Variants in NPEPL1 observed in about 807,000 individuals in gnomAD.
NPEPL1 encodes the protein aminopeptidase like 1, also known as probable aminopeptidase NPEPL1.
Under a neutral mutation model 52.4 loss-of-function variants are expected in NPEPL1, and 45 were observed. The observed-to-expected ratio is 0.86, with a 90% CI of 0.68 to 1.10. The LOEUF (loss-of-function observed/expected upper bound fraction) is 1.10. Ranked by LOEUF, NPEPL1 falls within the 50% of genes least tolerant of loss-of-function variation. The pLI is 0.00. For missense variants in NPEPL1, 696 were observed against 710.9 expected (o/e 0.98, Z 0.24); for synonymous variants, 360 against 314.7 (o/e 1.14, Z -1.52).
intron 5 of NPEPL1, among the ~76,000 whole-genome samples, chr20:58,700,615 G>A (rs144889285): frequency 1.1e-3 from 174 of 152,338 alleles, no homozygotes; most frequent in African/African-American, 4.0e-3. Flanking sequence ...CTGTGGGAGC[G>A]AGTGTGAAAG....
At chr20:58,694,011 G>T in intron 2 of NPEPL1, 89 bp downstream of exon 2, 1 of 1,271,694 alleles carries the variant, frequency 7.9e-7, no homozygotes. Flanking sequence ...TGCTCAGACT[G>T]CAGCGCACGC....
chr20:58,691,116 T>C, upstream of NPEPL1: 1 of 703,282 alleles, frequency 1.4e-6, no homozygotes, highest in Non-Finnish European at 2.6e-6. Context: ...ATGGCCTTAG[T>C]CTCTCACCCT....
At position 58,713,051 on chromosome 20, in the gene NPEPL1, C is replaced by T. The variant is rs796720464; in HGVS notation, c.1002-369C>T. On this transcript the variant is annotated intron_variant, in intron 8 of 11. Coordinates refer to ENST00000356091, the MANE Select transcript of NPEPL1 (RefSeq NM_024663.4). This position sits in a 1 kb window ranked among gnomAD's most constrained non-coding sequence, Gnocchi z 4.6. ...CCCCATGAGCTGGTGCCTGAGTGGG[C>T]GCCTCCCCGCATCTCCTGCTCTTCC... 26 of 343,314 alleles carry T rather than the reference C, an allele frequency of 7.6e-5. No homozygotes were observed. The highest frequency in any genetic ancestry group is 3.6e-4 in the African/African-American group (17 of 47,864). 21.3% of individuals were successfully genotyped at this position (343,314 alleles called of 1,614,324 possible).
intron 6 of NPEPL1, 40 bp from the exon 7 acceptor site, chr20:58,707,083 A>G: frequency 6.5e-7 from 1 of 1,542,502 alleles, no homozygotes; most frequent in Non-Finnish European, 8.8e-7. Flanking sequence ...CCTGGACCTC[A>G]CAGCTCACCT....
In NPEPL1 at chr20:58,714,684, C is replaced by T; in HGVS notation, c.1413+14C>T. The T allele has an allele frequency of 1.3e-6, 2 of 1,564,734 alleles. No individual in the cohort carries two copies. Among genetic ancestry groups the T allele is most frequent in the Non-Finnish European group, 1.7e-6 (2 of 1,154,584 alleles). ...CCGGTGCATGCTGTGAGTGTCTCCC[C>T]TCCCCACTGGCCCTGGCTGCTCCCG... On this transcript the variant is annotated intron_variant, in intron 11 of 11. Coordinates refer to ENST00000356091, the MANE Select transcript of NPEPL1 (RefSeq NM_024663.4).
chr20:58,708,232 AG>A (rs1257808284), intron 7 of NPEPL1, among the ~76,000 whole-genome samples: 7 of 152,222 alleles, frequency 4.6e-5, no homozygotes, highest in Non-Finnish European at 1.0e-4. Flanking sequence ...TCCAATCTGG[AG>A]GGTCCTGCTC....
chr20:58,692,677 G>GGCCTGCCCGC (rs2084375562), upstream of NPEPL1: 1 of 358,346 alleles, frequency 2.8e-6, no homozygotes, highest in African/African-American at 2.2e-5. The surrounding 1 kb of genome is among the most constrained non-coding windows in gnomAD (Gnocchi z 5.7). Context: ...GGCCTGCCCG[G>GGCCTGCCCGC]CCGGGCCTGC....
At chr20:58,690,357 A>C (rs1183632407), upstream of NPEPL1, among the ~76,000 whole-genome samples, 2 of 152,252 alleles carry the variant, frequency 1.3e-5, no homozygotes, top group Middle Eastern at 3.2e-3. Context: ...GGAAAATTAA[A>C]TAGAGTTGAA....
chr20:58,691,932 T>C (rs1025013784), upstream of NPEPL1: 4 of 779,628 alleles, frequency 5.1e-6, no homozygotes, highest in Admixed American at 8.2e-5. Flanking sequence ...ACCCTCCGCC[T>C]CCACCATCCA....
chr20:58,701,244 G>A, intron 6 of NPEPL1, 86 bp downstream of exon 6: 1 of 297,944 alleles, frequency 3.4e-6, no homozygotes, highest in Non-Finnish European at 5.3e-6. Context: ...GGTGCCCTGG[G>A]GGTGGGGTGG....
In NPEPL1 at chr20:58,693,828, G is replaced by A. The variant is rs1203704672; in HGVS notation, c.242G>A (p.Cys81Tyr). The A allele has an allele frequency of 6.8e-6, 11 of 1,613,676 alleles. No homozygotes were observed. Among genetic ancestry groups the A allele is most frequent in the East Asian group, 2.2e-5 (1 of 44,866 alleles). The change falls in exon 2 of 12, where the codon TGC (cysteine) becomes TAC (tyrosine). Residue 81 changes from cysteine (C) to tyrosine (Y), a missense_variant. By Grantham distance (194) the Cys-to-Tyr change is radical. Coordinates refer to ENST00000356091, the MANE Select transcript of NPEPL1 (RefSeq NM_024663.4). ...TACGCCACCGTGGCTGCCCTGCCCTGCAGGGTGAGCCGGCACAACAGCCCC... is the reference window on the plus strand; with the variant it reads ...TACGCCACCGTGGCTGCCCTGCCCTACAGGGTGAGCCGGCACAACAGCCCC... ...LNYATVAALP[C>Y]RVSRHNSPSA... is the part of the protein sequence containing the mutation.
chr20:58,708,511 G>A (rs559692933), intron 7 of NPEPL1, among the ~76,000 whole-genome samples: 116 of 151,980 alleles, frequency 7.6e-4, no homozygotes, highest in African/African-American at 2.8e-3. Flanking sequence ...TACGCAGCCT[G>A]CAAGCCCCAT....
chr20:58,713,377 C>T lies in NPEPL1; in HGVS notation c.1002-43C>T. The stretch of plus-strand genomic sequence containing the variant: ...TTCAAAGGGGCTCATGCCAGTGTCC[C>T]AGGAAATCCCGTCCCTGAGCGGGGA... On this transcript the variant is annotated intron_variant, in intron 8 of 11. Transcript: ENST00000356091. The surrounding 1 kb of genome is among the most constrained non-coding windows in gnomAD (Gnocchi z 4.6). The T allele has an allele frequency of 6.5e-7, 1 of 1,546,274 alleles. No homozygotes were observed. The highest frequency in any genetic ancestry group is 8.8e-7 in the Non-Finnish European group (1 of 1,139,978).
chr20:58,706,650 T>C (rs2084737122), intron 6 of NPEPL1, among the ~76,000 whole-genome samples: 1 of 151,874 alleles, frequency 6.6e-6, no homozygotes, highest in Non-Finnish European at 1.5e-5. Context: ...AGAGGCTCCC[T>C]GGACCTCAGC....
At chr20:58,691,866 G>A (rs2084355353), upstream of NPEPL1, 3 of 1,301,324 alleles carry the variant, frequency 2.3e-6, no homozygotes, top group African/African-American at 4.4e-5. Context: ...CTCCTGGGTG[G>A]AGCTTCCCCA....
chr20:58,703,684 T>C (rs1419666955), intron 6 of NPEPL1: 1 of 984,772 alleles, frequency 1.0e-6, no homozygotes, highest in African/African-American at 1.8e-5. Flanking sequence ...CTTCATCTCA[T>C]GTGGCTGTGG....
At chr20:58,702,520 A>C (rs1457965746) in intron 6 of NPEPL1, among the ~76,000 whole-genome samples, 2 of 152,214 alleles carry the variant, frequency 1.3e-5, no homozygotes, top group African/African-American at 2.4e-5. Flanking sequence ...GACACTAATC[A>C]TAAAAAGGGT....
At chr20:58,691,602 G>C (rs1601084992), upstream of NPEPL1, 7 of 632,958 alleles carry the variant, frequency 1.1e-5, no homozygotes, top group East Asian at 1.9e-4. Flanking sequence ...TACAAGTTAG[G>C]GAGCTAGGGG....
chr20:58,700,440 A>T (rs903548351), intron 5 of NPEPL1, among the ~76,000 whole-genome samples: 3 of 152,162 alleles, frequency 2.0e-5, no homozygotes, highest in African/African-American at 7.2e-5. Flanking sequence ...ATCTTACAGG[A>T]TGAGTTGGAG....
Sources: allele counts gnomAD v4.1 joint callset (sites outside exome capture counted in the v4.1 genomes callset), GRCh38; gene constraint gnomAD v4.1.1; non-coding constraint Gnocchi (gnomAD v3.1); transcripts MANE v1.5; gene names NCBI Gene and HGNC (gene_info 2026-07-23, HGNC 2026-07-21).